Variants in ABCB5 observed in about 807,000 individuals in gnomAD.
ABCB5 encodes ATP-binding cassette sub-family B member 5.
ABCB5 carries 155 observed loss-of-function variants against 144.2 expected under a neutral mutation model. That is an observed-to-expected ratio of 1.08 (90% CI 0.94 to 1.23). The LOEUF (loss-of-function observed/expected upper bound fraction) is 1.23, where lower values mean the gene tolerates loss of function less well. ABCB5 is among the 50% of genes most tolerant of loss of function. The pLI is 0.00. For missense variants in ABCB5, 1,830 were observed against 1,520.8 expected, an observed-to-expected ratio of 1.20 and a Z score of -3.38; for synonymous variants, 610 against 528.6, an observed-to-expected ratio of 1.15 and a Z score of -2.11.
chr7:20,673,122 G>T (rs1785500582), intron 14 of ABCB5, among the ~76,000 whole-genome samples: 1 of 152,032 alleles, frequency 6.6e-6, no homozygotes, highest in African/African-American at 2.4e-5. Flanking sequence ...TTGCATTACG[G>T]TCAGGGAGTA....
At chr7:20,721,501 G>A (rs904926731) in intron 20 of ABCB5, among the ~76,000 whole-genome samples, 1 of 152,010 alleles carries the variant, frequency 6.6e-6, no homozygotes, top group African/African-American at 2.4e-5. Flanking sequence ...ATTTATTTTT[G>A]ACCTTTCTCC....
intron 20 of ABCB5, among the ~76,000 whole-genome samples, chr7:20,715,675 G>A (rs1041212854): frequency 6.6e-6 from 1 of 151,722 alleles, no homozygotes; most frequent in East Asian, 1.9e-4. Flanking sequence ...CTCCCAAAGT[G>A]CTGGGATTAT....
chr7:20,666,111 G>A (rs1004334315), intron 14 of ABCB5, among the ~76,000 whole-genome samples: 13 of 151,718 alleles, frequency 8.6e-5, no homozygotes, highest in South Asian at 2.1e-4. Flanking sequence ...TGGAGGTTGC[G>A]GTGAGCCGAG....
At chr7:20,682,780 G>A (rs1376302642) in intron 15 of ABCB5, among the ~76,000 whole-genome samples, 1 of 152,160 alleles carries the variant, frequency 6.6e-6, no homozygotes, top group Non-Finnish European at 1.5e-5. Context: ...ACCACAGATG[G>A]ACCAGAAAGC....
chr7:20,706,331 C>T (rs574403947), intron 20 of ABCB5, among the ~76,000 whole-genome samples: 31 of 152,046 alleles, frequency 2.0e-4, no homozygotes, highest in Admixed American at 7.2e-4. Flanking sequence ...CAAATCTTTT[C>T]GGAATCTTTT....
At chr7:20,746,821 A>G (rs1256038353) in intron 26 of ABCB5, among the ~76,000 whole-genome samples, 3 of 152,212 alleles carry the variant, frequency 2.0e-5, no homozygotes, top group African/African-American at 7.2e-5. Context: ...AAAAATAGAG[A>G]TATTTTCATG....
At chr7:20,720,729 A>G (rs985073150) in intron 20 of ABCB5, among the ~76,000 whole-genome samples, 3 of 152,040 alleles carry the variant, frequency 2.0e-5, no homozygotes, top group African/African-American at 4.8e-5. Context: ...GCGGATCACG[A>G]GGTCAGGAGA....
intron 4 of ABCB5, among the ~76,000 whole-genome samples, chr7:20,630,830 T>C (rs1784020920): frequency 7.0e-6 from 1 of 143,616 alleles, no homozygotes; most frequent in African/African-American, 2.8e-5. Context: ...CATATCTAAT[T>C]GCTATTGCTG....
At chr7:20,660,644 T>C (rs1335638041) in intron 14 of ABCB5, among the ~76,000 whole-genome samples, 2 of 152,084 alleles carry the variant, frequency 1.3e-5, no homozygotes, top group Admixed American at 6.6e-5. Flanking sequence ...GTAAGAAAGG[T>C]AGGACATCCA....
chr7:20,713,316 C>T (rs1464511978), intron 20 of ABCB5, among the ~76,000 whole-genome samples: 1 of 149,072 alleles, frequency 6.7e-6, no homozygotes, highest in African/African-American at 2.5e-5. Context: ...TCACTGTATC[C>T]TTGACTTGGG....
At chr7:20,719,052 C>G (rs1781776845) in intron 20 of ABCB5, among the ~76,000 whole-genome samples, 1 of 152,124 alleles carries the variant, frequency 6.6e-6, no homozygotes, top group Non-Finnish European at 1.5e-5. Flanking sequence ...AGGAATAAAT[C>G]AGGATACAAA....
intron 15 of ABCB5, among the ~76,000 whole-genome samples, chr7:20,684,760 T>C (rs1785939225): frequency 1.3e-5 from 2 of 152,206 alleles, no homozygotes; most frequent in South Asian, 4.1e-4. Flanking sequence ...ATTGTCCCTT[T>C]AAATGACTGA....
chr7:20,676,200 A>G (rs1008354129), intron 14 of ABCB5, among the ~76,000 whole-genome samples: 1 of 151,510 alleles, frequency 6.6e-6, no homozygotes, highest in Non-Finnish European at 1.5e-5. Flanking sequence ...ACACACACAC[A>G]TATGTATAAG....
At position 20,658,542 on chromosome 7, in the gene ABCB5, A is replaced by G. The variant is rs1784887685; in HGVS notation, c.1573A>G (p.Met525Val). 1 of 1,614,088 alleles carries G rather than the reference A, an allele frequency of 6.2e-7. No individual in the cohort carries two copies. The highest frequency in any genetic ancestry group is 1.3e-5 in the African/African-American group (1 of 75,026). The part of the protein sequence containing the change: ...NTLVGEKGAQ[M>V]SGGQKQRIAI... ...ATTGGTAGGGGAAAAAGGAGCTCAA[A>G]TGAGTGGAGGGCAGAAACAGAGGAT... The change falls in exon 14 of 28, where the codon ATG becomes GTG. Residue 525 changes from methionine (M) to valine (V), a missense_variant. Met to Val is a conservative substitution (Grantham distance 21, BLOSUM62 1). Coordinates refer to ENST00000404938, the MANE Select transcript of ABCB5 (RefSeq NM_001163941.2).
At position 20,753,410 on chromosome 7, in the gene ABCB5, G is replaced by A. The variant is rs1196479486; in HGVS notation, c.3480G>A (p.Gln1160=). ...AAGGAGCACAGCTTTCTGGCGGCCA[G>A]AAACAAAGACTAGCTATTGCAAGGG... is the stretch of plus-strand genomic sequence containing the variant. ...GLKGAQLSGG[Q]KQRLAIARAL... is the part of the protein sequence containing the mutation. The change falls in exon 27 of 28, where the codon CAG becomes CAA. Residue 1160 remains glutamine, a synonymous_variant. Transcript: ENST00000404938. 3.7e-6 allele frequency: 6 copies of A among 1,614,098 alleles called. No individual in the cohort carries two copies. The highest frequency in any genetic ancestry group is 1.7e-5 in the Admixed American group (1 of 60,018).
chr7:20,695,557 A>T (rs899185093), intron 16 of ABCB5, among the ~76,000 whole-genome samples: 1 of 152,030 alleles, frequency 6.6e-6, no homozygotes, highest in African/African-American at 2.4e-5. Flanking sequence ...AAACAAAAAA[A>T]TTGATAAGTC....
intron 14 of ABCB5, among the ~76,000 whole-genome samples, chr7:20,668,975 G>C (rs1444467264): frequency 4.0e-5 from 2 of 50,052 alleles, no homozygotes; most frequent in African/African-American, 7.3e-5. Context: ...GGAGGGAGGT[G>C]GGGGGGTCAG....
At chr7:20,713,980 T>C (rs188993959) in intron 20 of ABCB5, among the ~76,000 whole-genome samples, 1 of 152,322 alleles carries the variant, frequency 6.6e-6, no homozygotes, top group African/African-American at 2.4e-5. Context: ...TATTGGGCTC[T>C]TTGCACTGCC....
chr7:20,647,765 T>A, intron 10 of ABCB5, 117 bp downstream of exon 10: 1 of 1,441,284 alleles, frequency 6.9e-7, no homozygotes, highest in Non-Finnish European at 9.3e-7. Flanking sequence ...GTTGGCCAGT[T>A]GTTTATGGGA....
Sources: allele counts gnomAD v4.1 joint callset (sites outside exome capture counted in the v4.1 genomes callset), GRCh38; gene constraint gnomAD v4.1.1; transcripts MANE v1.5; gene names NCBI Gene and HGNC (gene_info 2026-07-23, HGNC 2026-07-21).